The following ABCA9 variants were observed in gnomAD, a reference collection of about 807,000 sequenced individuals.
ABCA9 encodes ATP binding cassette subfamily A member 9.
In ABCA9, 183 loss-of-function variants were observed where a neutral mutation model predicts 205.3. The observed-to-expected ratio is 0.89, with a 90% CI of 0.79 to 1.01. ABCA9 has a LOEUF of 1.01. ABCA9 is among the 50% of genes least tolerant of loss of function. The pLI is 0.00. For synonymous variants in ABCA9, 651 were observed against 683.3 expected, an observed-to-expected ratio of 0.95 and a Z score of 0.74; for missense variants, 1,805 against 1,912.4, an observed-to-expected ratio of 0.94 and a Z score of 1.05.
chr17:69,043,958 T>G (rs1177802505), intron 5 of ABCA9, among the ~76,000 whole-genome samples: 1 of 152,194 alleles, frequency 6.6e-6, no homozygotes, highest in East Asian at 1.9e-4. Context: ...AAATGTCACT[T>G]CAATTAGCAA....
the ABCA9 span, among the ~76,000 whole-genome samples, chr17:69,066,964 A>G: frequency 6.6e-6 from 1 of 152,198 alleles, no homozygotes; most frequent in Admixed American, 6.5e-5. Context: ...ATTAATTAAA[A>G]TCATTGATGG....
intron 30 of ABCA9, among the ~76,000 whole-genome samples, chr17:68,989,453 C>T (rs1268306432): frequency 1.3e-5 from 2 of 152,158 alleles, no homozygotes; most frequent in African/African-American, 2.4e-5. Flanking sequence ...CCCACTTTCA[C>T]GAAATGGGCT....
chr17:69,027,589 G>A (rs774451313), intron 13 of ABCA9, 51 bp downstream of exon 13: 4 of 1,587,334 alleles, frequency 2.5e-6, no homozygotes, highest in Non-Finnish European at 3.4e-6. Context: ...ATATTTTCTA[G>A]ATAAACCGTC....
intron 25 of ABCA9, among the ~76,000 whole-genome samples, chr17:69,005,972 CA>C (rs1410707102): frequency 6.6e-6 from 1 of 152,280 alleles, no homozygotes; most frequent in East Asian, 1.9e-4. Flanking sequence ...TTTGGGCAGC[CA>C]TTTCTAATTT....
At chr17:69,067,638 A>AAGAGAAAGAAAAGAAAGAGAAAG in the ABCA9 span, among the ~76,000 whole-genome samples, 3 of 151,810 alleles carry the variant, frequency 2.0e-5, no homozygotes, top group Non-Finnish European at 4.4e-5. Flanking sequence ...GAAAGAAACA[A>AAGAGAAAGAAAAGAAAGAGAAAG]AGAGAAAGAA....
At position 69,035,683 on chromosome 17, in the gene ABCA9, A is replaced by G; in HGVS notation, c.919T>C (p.Phe307Leu). The stretch of plus-strand genomic sequence containing the variant: ...ACCAAAGACAGGCCATAGAGGAGAA[A>G]GAGGGTGAAGACCATCACAAAACCA... Reference protein sequence around the residue: ...LTGFVMVFTLFLLYGLSLITL... With the variant: ...LTGFVMVFTLLLLYGLSLITL... Residue 307 changes from phenylalanine to leucine, a missense_variant, in exon 7 of 39, where the codon TTT becomes CTT. Coordinates refer to ENST00000340001, the MANE Select transcript of ABCA9 (RefSeq NM_080283.4). 6.2e-7 allele frequency: 1 copy of G among 1,613,680 alleles called. No homozygotes were observed. The highest frequency in any genetic ancestry group is 8.5e-7 in the Non-Finnish European group (1 of 1,179,800).
intron 21 of ABCA9, among the ~76,000 whole-genome samples, chr17:69,017,089 G>A (rs945455704): frequency 6.6e-6 from 1 of 152,158 alleles, no homozygotes; most frequent in African/African-American, 2.4e-5. Context: ...CTATCTTGAA[G>A]GTAATTTCTT....
chr17:69,009,468 A>T (rs139932966), intron 23 of ABCA9, among the ~76,000 whole-genome samples: 45 of 152,324 alleles, frequency 3.0e-4, no homozygotes, highest in African/African-American at 1.0e-3. Flanking sequence ...GAGCATGGTT[A>T]TCAAGGTGTC....
chr17:69,027,033 A>T lies in ABCA9; in HGVS notation c.1993T>A (p.Ser665Thr). ...RIWNLLKEGK[S>T]DRVILFSTQF... Reference sequence around the variant, plus strand: ...GTGCTGAAGAGAATTACTCTGTCTGATTTCCCCTCTTTCAGGAGATTCCAT... The same window carrying T: ...GTGCTGAAGAGAATTACTCTGTCTGTTTTCCCCTCTTTCAGGAGATTCCAT... The change falls in exon 15 of 39, where the codon TCA (serine) becomes ACA (threonine). Residue 665 changes from serine to threonine, a missense_variant. Physicochemically the swap from Ser to Thr is moderately conservative, Grantham distance 58. Transcript: ENST00000340001. 1 of 1,614,126 alleles carries T rather than the reference A, an allele frequency of 6.2e-7. No homozygotes were observed. Among genetic ancestry groups the T allele is most frequent in the Non-Finnish European group, 8.5e-7 (1 of 1,179,994 alleles).
the ABCA9 span, among the ~76,000 whole-genome samples, chr17:69,078,210 G>GTTTT: frequency 9.2e-5 from 13 of 141,422 alleles, 1 homozygote; most frequent in Non-Finnish European, 1.7e-4. Flanking sequence ...TGTTTTTGTT[G>GTTTT]TTTTTTTTTT....
intron 25 of ABCA9, among the ~76,000 whole-genome samples, chr17:69,000,935 G>A (rs1201724770): frequency 6.8e-6 from 1 of 147,340 alleles, no homozygotes; most frequent in Non-Finnish European, 1.5e-5. Flanking sequence ...GTCTGTTGTT[G>A]TATAGGAATG....
At chr17:69,015,882 A>G (rs2070577076) in intron 22 of ABCA9, among the ~76,000 whole-genome samples, 1 of 151,920 alleles carries the variant, frequency 6.6e-6, no homozygotes, top group African/African-American at 2.4e-5. Context: ...ATCTAGACCA[A>G]AAGTCATAAT....
At chr17:69,007,728 G>T (rs766235672) in intron 25 of ABCA9, 31 bp downstream of exon 25, 4 of 1,313,008 alleles carry the variant, frequency 3.0e-6, no homozygotes, top group Non-Finnish European at 4.4e-6. Context: ...ATGAAAAATG[G>T]TAAAATAATA....
intron 6 of ABCA9, among the ~76,000 whole-genome samples, chr17:69,041,318 GA>G (rs1167705683): frequency 1.3e-5 from 2 of 151,470 alleles, no homozygotes; most frequent in African/African-American, 2.4e-5. Context: ...CTTATGAGAG[GA>G]AAAAAAATGC....
chr17:69,014,341 T>C (rs750886613), intron 22 of ABCA9, among the ~76,000 whole-genome samples: 2 of 152,136 alleles, frequency 1.3e-5, no homozygotes, highest in Non-Finnish European at 2.9e-5. Context: ...TCAGGCTCTG[T>C]GTAAAAGGTG....
chr17:69,038,817 T>G (rs767083585), intron 6 of ABCA9, among the ~76,000 whole-genome samples: 1 of 152,048 alleles, frequency 6.6e-6, no homozygotes, highest in Non-Finnish European at 1.5e-5. Flanking sequence ...TTTAGAAATC[T>G]CCATCGTCTC....
At chr17:69,078,213 T>TTG in the ABCA9 span, among the ~76,000 whole-genome samples, 3 of 149,746 alleles carry the variant, frequency 2.0e-5, no homozygotes, top group Non-Finnish European at 4.5e-5. Flanking sequence ...TTTTGTTGTT[T>TTG]TTTTTTTTTT....
chr17:69,062,926 C>A (rs1482038120), upstream of ABCA9, among the ~76,000 whole-genome samples: 1 of 151,374 alleles, frequency 6.6e-6, no homozygotes, highest in East Asian at 1.9e-4. Context: ...CTTTTTTTGG[C>A]AACTACATAT....
At chr17:69,054,215 T>C (rs942850635) in intron 1 of ABCA9, among the ~76,000 whole-genome samples, 2 of 152,040 alleles carry the variant, frequency 1.3e-5, no homozygotes. Flanking sequence ...AGAAGTAAAA[T>C]GATATGTCAC....
Sources: allele counts gnomAD v4.1 joint callset (sites outside exome capture counted in the v4.1 genomes callset), GRCh38; gene constraint gnomAD v4.1.1; transcripts MANE v1.5; gene names NCBI Gene and HGNC (gene_info 2026-07-23, HGNC 2026-07-21).